Variants in COL1A2 observed in about 807,000 individuals in gnomAD.
The protein encoded by COL1A2 is collagen alpha-2(I) chain.
COL1A2 carries 49 observed loss-of-function variants against 174.3 expected under a neutral mutation model. That is an observed-to-expected ratio of 0.28 (90% confidence interval 0.22 to 0.36). The LOEUF (loss-of-function observed/expected upper bound fraction) is 0.36. Among genes scored for constraint, COL1A2 ranks in the 10% least tolerant of loss-of-function variants. The pLI, the probability that COL1A2 is intolerant of heterozygous loss-of-function variation, is 1.00. For synonymous variants in COL1A2, 655 were observed against 606.6 expected (o/e 1.08, Z -1.17); for missense variants, 1,438 against 1,822.7 (o/e 0.79, Z 3.84).
intron 1 of COL1A2, among the ~76,000 whole-genome samples, chr7:94,397,415 A>G (rs1791605241): frequency 6.6e-6 from 1 of 152,172 alleles, no homozygotes. Context: ...TCAGCGATTC[A>G]TCTGTGCACT....
chr7:94,424,740 A>G (rs1792239255), intron 41 of COL1A2: 1 of 471,880 alleles, frequency 2.1e-6, no homozygotes, highest in Admixed American at 3.4e-5. Context: ...TGCTGGCATC[A>G]TTTATCCTGT....
In COL1A2 at chr7:94,408,200, T is replaced by G. The variant is rs771837515; in HGVS notation, c.657T>G (p.Pro219=). The part of the protein sequence containing the change: ...TPGQTGARGL[P]GERGRVGAPG... Reference sequence around the variant, plus strand: ...GCTTCTAGGGAGCCCGTGGGCTTCCTGGTGAGAGAGGACGTGTTGGTGCCC... The same window carrying G: ...GCTTCTAGGGAGCCCGTGGGCTTCCGGGTGAGAGAGGACGTGTTGGTGCCC... Residue 219 remains proline, a synonymous_variant, in exon 14 of 52, where the codon CCT becomes CCG. Coordinates refer to ENST00000297268, the MANE Select transcript of COL1A2 (RefSeq NM_000089.4). The G allele has an allele frequency of 1.9e-5, 31 of 1,613,986 alleles. No individual in the cohort carries two copies. The highest frequency in any genetic ancestry group is 2.1e-5 in the Non-Finnish European group (25 of 1,180,016).
chr7:94,399,135 T>C, intron 4 of COL1A2, 51 bp downstream of exon 4: 1 of 1,549,276 alleles, frequency 6.5e-7, no homozygotes, highest in Non-Finnish European at 8.9e-7. Context: ...TGAATAACTA[T>C]ATGTTAGAAA....
chr7:94,412,705 T>A (rs1277769289), intron 25 of COL1A2, 23 bp downstream of exon 25: 7 of 1,604,632 alleles, frequency 4.4e-6, no homozygotes, highest in Admixed American at 3.3e-5. Flanking sequence ...ACAACTTTCT[T>A]ACCCTCAGCA....
chr7:94,413,051 G>A (rs545791389), intron 25 of COL1A2, 32 bp from the exon 26 acceptor site: 1 of 1,607,328 alleles, frequency 6.2e-7, no homozygotes, highest in East Asian at 2.2e-5. Flanking sequence ...GTGCAAAGCT[G>A]TTCTTTGTTT....
At position 94,427,179 on chromosome 7, in the gene COL1A2, C is replaced by A; in HGVS notation, c.3160-9C>A. On this transcript the variant is annotated splice_polypyrimidine_tract_variant and intron_variant, in intron 47 of 51. Transcript: ENST00000297268. ...CAGCTCACATGTACCTGGTGTCTGT[C>A]TTCCTTAGGGCCCTGCTGGTCCTTC... 1 of 1,613,752 alleles carries A rather than the reference C, an allele frequency of 6.2e-7. No individual in the cohort carries two copies. The highest frequency in any genetic ancestry group is 1.7e-4 in the Middle Eastern group (1 of 6,060).
At chr7:94,414,058 G>A (rs1339947047) in intron 28 of COL1A2, 111 bp downstream of exon 28, 1 of 1,332,602 alleles carries the variant, frequency 7.5e-7, no homozygotes, top group Non-Finnish European at 1.1e-6. Context: ...CAGGACTGAA[G>A]CAAAGAAAGG....
rs866922745 is a variant in COL1A2, at chr7:94,406,414, T to C, written c.594+111T>C. On this transcript the variant is annotated intron_variant, in intron 12 of 51. Coordinates refer to ENST00000297268, the MANE Select transcript of COL1A2 (RefSeq NM_000089.4). ...ACCCATATTACAAAAAGTATTTTTA[T>C]TTTTTTTCTTTCCTGTACTTCAAAT... 40 of 910,034 alleles carry C rather than the reference T, an allele frequency of 4.4e-5. No homozygotes were observed. The Middle Eastern group carries it at 2.9e-3, about 66-fold the overall frequency. 56.4% of individuals were successfully genotyped at this position (910,034 alleles called of 1,614,324 possible). A position where few individuals can be genotyped will look rare whatever the true frequency, so the allele number is the denominator to read the frequency against.
intron 50 of COL1A2, 92 bp downstream of exon 50, chr7:94,428,569 T>C: frequency 7.8e-7 from 1 of 1,279,878 alleles, no homozygotes; most frequent in Non-Finnish European, 1.1e-6. Flanking sequence ...CTGACAAAAA[T>C]GGGCTTATTA....
intron 1 of COL1A2, chr7:94,395,721 T>C (rs1412811335): frequency 6.2e-6 from 1 of 160,524 alleles, no homozygotes; most frequent in Non-Finnish European, 1.4e-5. Context: ...AGATTAATGA[T>C]CAGCATTTCT....
intron 24 of COL1A2, 119 bp downstream of exon 24, chr7:94,412,240 A>C: frequency 1.1e-6 from 1 of 870,316 alleles, no homozygotes; most frequent in Non-Finnish European, 1.9e-6. Flanking sequence ...CACATACATC[A>C]TCTGGGAATG....
At position 94,395,085 on chromosome 7, in the gene COL1A2, C is replaced by G. The variant is rs755856571; in HGVS notation, c.54C>G (p.Cys18Trp). ...RTLLLLAVTL[C>W]LATCQSLQEE... ...TGTTGCTGCTTGCAGTAACCTTATG[C>G]CTAGCAACATGCCAATGTAAGTGCC... is the stretch of plus-strand genomic sequence containing the variant. Residue 18 changes from cysteine (C) to tryptophan (W), a missense_variant, in exon 1 of 52, where the codon TGC becomes TGG. This residue lies in a region of COL1A2 where 281 missense variants were observed against 310.9 expected (regional missense o/e 0.90). Coordinates refer to ENST00000297268, the MANE Select transcript of COL1A2 (RefSeq NM_000089.4). The G allele has an allele frequency of 6.2e-7, 1 of 1,613,914 alleles. No individual in the cohort carries two copies. Among genetic ancestry groups the G allele is most frequent in the Non-Finnish European group, 8.5e-7 (1 of 1,179,908 alleles).
chr7:94,425,263 G>A (rs377636936), intron 42 of COL1A2, 39 bp downstream of exon 42: 5 of 1,563,992 alleles, frequency 3.2e-6, no homozygotes, highest in Non-Finnish European at 4.4e-6. Context: ...AAACTGAGCA[G>A]GATTTCATTG....
At position 94,404,776 on chromosome 7, in the gene COL1A2, G is replaced by GT. The variant is rs1190519722; in HGVS notation, c.378+37dup. The GT allele has an allele frequency of 3.1e-6, 5 of 1,614,048 alleles. No homozygotes were observed. In the South Asian group the frequency reaches 3.3e-5, roughly 11 times the overall value. On this transcript the variant is annotated intron_variant, in intron 8 of 51. Coordinates refer to ENST00000297268, the MANE Select transcript of COL1A2 (RefSeq NM_000089.4). Reference sequence around the variant, plus strand: ...GTACATTTTTCCACCTTTGTGATAAGTTTTTTTCCAGGAAGTTTATGAATA... The same window carrying GT: ...GTACATTTTTCCACCTTTGTGATAAGTTTTTTTTCCAGGAAGTTTATGAATA...
At position 94,415,233 on chromosome 7, in the gene COL1A2, A is replaced by C. The variant is rs368676099; in HGVS notation, c.1727A>C (p.His576Pro). The C allele has an allele frequency of 6.2e-7, 1 of 1,613,666 alleles. No individual in the cohort carries two copies. The highest frequency in any genetic ancestry group is 1.3e-5 in the African/African-American group (1 of 74,934). The change falls in exon 30 of 52, where the codon CAT becomes CCT. Residue 576 changes from histidine to proline, a missense_variant. By Grantham distance (77) the His-to-Pro change is moderately conservative. Transcript: ENST00000297268. ...EVGKPGERGL[H>P]GEFGLPGPAG... ...TTCTCATGTTTTGTCTAGGGTCTCC[A>C]TGGTGAGTTTGGTCTCCCTGGTCCT...
chr7:94,417,954 C>A lies in COL1A2; in HGVS notation c.1971+123C>A, dbSNP rs3736638. On this transcript the variant is annotated intron_variant, in intron 32 of 51. Transcript: ENST00000297268. ...TAGCATTTTCATATCTATCTATATACATTTCCCTCTGCCACCTAGCACCTA... is the reference window on the plus strand; with the variant it reads ...TAGCATTTTCATATCTATCTATATAAATTTCCCTCTGCCACCTAGCACCTA... 0.051 allele frequency: 40,369 copies of A among 797,364 alleles called. 4,062 individuals carry two copies. Among genetic ancestry groups the A allele is most frequent in the East Asian group, 0.36 (13,371 of 37,266 alleles). 49.4% of individuals were successfully genotyped at this position (797,364 alleles called of 1,614,324 possible). A position where few individuals can be genotyped will look rare whatever the true frequency, so the allele number is the denominator to read the frequency against.
In COL1A2 at chr7:94,409,409, G is replaced by T. The variant is rs145693444; in HGVS notation, c.880G>T (p.Val294Phe). 9.5e-5 allele frequency: 154 copies of T among 1,614,160 alleles called. No individual in the cohort carries two copies. In the African/African-American group the frequency reaches 1.7e-3, roughly 18 times the overall value. ...GGGTCTTCCAGGCCTCTCCGGCCCC[G>T]TTGGACCTCCTGTAAGTAGCCACTG... ...EVGLPGLSGP[V>F]GPPGNPGANG... The change falls in exon 17 of 52, where the codon GTT becomes TTT. Residue 294 changes from valine to phenylalanine, a missense_variant. This residue lies in a region of COL1A2 where 867 missense variants were observed against 1,213.7 expected (regional missense o/e 0.71). Coordinates refer to ENST00000297268, the MANE Select transcript of COL1A2 (RefSeq NM_000089.4).
chr7:94,405,455 A>G (rs1348956707), intron 10 of COL1A2, among the ~76,000 whole-genome samples: 2 of 152,250 alleles, frequency 1.3e-5, no homozygotes, highest in Non-Finnish European at 2.9e-5. Flanking sequence ...AAATGACAGC[A>G]AGCATACCAT....
intron 32 of COL1A2, among the ~76,000 whole-genome samples, chr7:94,418,049 T>A (rs1792078401): frequency 6.6e-6 from 1 of 152,194 alleles, no homozygotes; most frequent in South Asian, 2.1e-4. Context: ...CAGATGGTGT[T>A]GAGTAATACA....
Sources: gnomAD v4.1 joint callset for allele counts (sites outside exome capture counted in the v4.1 genomes callset) on GRCh38, gnomAD v4.1.1 for gene constraint, gnomAD v4.1.1 regional missense constraint, MANE v1.5 for transcripts, NCBI Gene and HGNC (gene_info 2026-07-23, HGNC 2026-07-21) for gene names.